Variants in CNGB3 observed in about 807,000 individuals in gnomAD.
CNGB3 encodes cyclic nucleotide-gated channel beta-3.
A neutral mutation model predicts 92.8 loss-of-function variants in CNGB3; 86 were observed. That is an observed-to-expected ratio of 0.93 (90% CI 0.78 to 1.11). The LOEUF (loss-of-function observed/expected upper bound fraction) is 1.11, where lower values mean the gene tolerates loss of function less well. Ranked by LOEUF, CNGB3 falls within the 50% of genes least tolerant of loss-of-function variation. The probability of loss-of-function intolerance (pLI) is 0.00; values close to 1 mark genes in which losing one functional copy is unlikely to be tolerated. For missense variants in CNGB3, 1,026 were observed against 956.8 expected, an observed-to-expected ratio of 1.07 and a Z score of -0.95; for synonymous variants, 333 against 332.7, an observed-to-expected ratio of 1.00 and a Z score of -0.01.
At chr8:86,669,418 T>A (rs536724894) in intron 4 of CNGB3, among the ~76,000 whole-genome samples, 1 of 152,278 alleles carries the variant, frequency 6.6e-6, no homozygotes, top group South Asian at 2.1e-4. Context: ...AAATAAGGTG[T>A]CACAAAGGTG....
At chr8:86,607,588 C>A (rs1585966231) in intron 14 of CNGB3, among the ~76,000 whole-genome samples, 1 of 152,134 alleles carries the variant, frequency 6.6e-6, no homozygotes, top group Non-Finnish European at 1.5e-5. Context: ...GGTGCAAATT[C>A]TCAGTTTACT....
At chr8:86,661,983 C>G in intron 6 of CNGB3, 1 of 477,136 alleles carries the variant, frequency 2.1e-6, no homozygotes. Flanking sequence ...TCCGTGGTGT[C>G]TTGTCCACAG....
chr8:86,632,891 T>A lies in CNGB3; in HGVS notation c.1181A>T (p.Tyr394Phe), dbSNP rs1293623451. 6.2e-7 allele frequency: 1 copy of A among 1,612,046 alleles called. No individual in the cohort carries two copies. The highest frequency in any genetic ancestry group is 1.7e-5 in the Admixed American group (1 of 59,964). The change falls in exon 11 of 18, where the codon TAT becomes TTT. Residue 394 changes from tyrosine to phenylalanine, a missense_variant and splice_region_variant. Transcript: ENST00000320005. ...AACTGCCCAATAATAACATCTCAGA[T>A]ACCTGTGAAAACAGAAGATATACAT... ...RWVYDGEGNE[Y>F]LRCYYWAVRT...
chr8:86,657,877 G>C, intron 6 of CNGB3: 1 of 540,594 alleles, frequency 1.8e-6, no homozygotes, highest in Admixed American at 1.9e-5. Context: ...TTTCCTGCGG[G>C]AGGACAGGGT....
intron 15 of CNGB3, among the ~76,000 whole-genome samples, chr8:86,602,333 G>T (rs200300240): frequency 1.3e-5 from 2 of 152,132 alleles, no homozygotes; most frequent in Non-Finnish European, 2.9e-5. Context: ...ATTAAAAAGA[G>T]AAGCCACATT....
chr8:86,676,703 C>A (rs866012200), intron 3 of CNGB3, among the ~76,000 whole-genome samples: 1 of 152,096 alleles, frequency 6.6e-6, no homozygotes, highest in African/African-American at 2.4e-5. Flanking sequence ...TTTGTGTCCA[C>A]CTGGAACCTC....
chr8:86,594,398 A>T, intron 15 of CNGB3: 1 of 293,202 alleles, frequency 3.4e-6, no homozygotes, highest in Non-Finnish European at 6.6e-6. Context: ...AAAGTCCCCA[A>T]ACCAGGCGTG....
intron 1 of CNGB3, among the ~76,000 whole-genome samples, chr8:86,743,001 A>G (rs1825368514): frequency 6.6e-6 from 1 of 152,104 alleles, no homozygotes; most frequent in Non-Finnish European, 1.5e-5. Context: ...GACTTTACCC[A>G]CTGGATGCCA....
intron 4 of CNGB3, 51 bp downstream of exon 4, chr8:86,670,893 G>A (rs769160019): frequency 6.3e-7 from 1 of 1,594,296 alleles, no homozygotes; most frequent in Non-Finnish European, 8.6e-7. Context: ...GCAAAACACA[G>A]GTCCCCTCAG....
intron 7 of CNGB3, among the ~76,000 whole-genome samples, chr8:86,652,073 T>C (rs903971612): frequency 1.3e-5 from 2 of 151,990 alleles, no homozygotes; most frequent in Non-Finnish European, 2.9e-5. Flanking sequence ...CAGCATGCTC[T>C]GTATATTACA....
chr8:86,661,896 G>A (rs759056476), intron 6 of CNGB3: 5 of 851,828 alleles, frequency 5.9e-6, no homozygotes, highest in Non-Finnish European at 1.0e-5. Flanking sequence ...AAACCATATT[G>A]GTGAAAAAGA....
chr8:86,712,731 A>G (rs1033975540), intron 3 of CNGB3, among the ~76,000 whole-genome samples: 3 of 138,724 alleles, frequency 2.2e-5, no homozygotes, highest in Admixed American at 7.2e-5. Context: ...TATTAGTTTT[A>G]TTTTTCAGGG....
chr8:86,672,211 G>A (rs1291260242), intron 3 of CNGB3, among the ~76,000 whole-genome samples: 1 of 152,050 alleles, frequency 6.6e-6, no homozygotes, highest in Non-Finnish European at 1.5e-5. Flanking sequence ...CAATTCTCAT[G>A]CCGCAGCCTC....
chr8:86,594,568 G>T, intron 15 of CNGB3: 1 of 314,306 alleles, frequency 3.2e-6, no homozygotes, highest in Non-Finnish European at 6.1e-6. Context: ...AAGGGTCTGG[G>T]TCCACTGTCA....
At chr8:86,708,058 G>A (rs1824681893) in intron 3 of CNGB3, 1 of 152,168 alleles carries the variant, frequency 6.6e-6, no homozygotes, top group Non-Finnish European at 1.5e-5. Flanking sequence ...CCTCCAAGGG[G>A]AAATTTTAAC....
chr8:86,659,875 C>T, intron 6 of CNGB3: 2 of 427,136 alleles, frequency 4.7e-6, no homozygotes, highest in South Asian at 1.9e-5. Context: ...GCAGATGATG[C>T]AGGGCCCTCC....
At chr8:86,596,525 G>A (rs972725529) in intron 15 of CNGB3, among the ~76,000 whole-genome samples, 1 of 152,176 alleles carries the variant, frequency 6.6e-6, no homozygotes, top group Non-Finnish European at 1.5e-5. Flanking sequence ...ATGTGCATTT[G>A]TACATTCACA....
chr8:86,605,026 C>T lies in CNGB3; in HGVS notation c.1663-815G>A, dbSNP rs564444482. On this transcript the variant is annotated intron_variant, in intron 14 of 17. Transcript: ENST00000320005. Reference sequence around the variant, plus strand: ...ACCCAAGACTAATATGAGCTTCCACCGGTGGAGATATTTTGCTCATGTTTC... The same window carrying T: ...ACCCAAGACTAATATGAGCTTCCACTGGTGGAGATATTTTGCTCATGTTTC... Among the ~76,000 whole-genome samples the T allele has an allele frequency of 1.4e-4, 21 of 152,162 alleles. No individual in the cohort carries two copies. In the South Asian group the frequency reaches 2.9e-3, roughly 21 times the overall value.
intron 3 of CNGB3, among the ~76,000 whole-genome samples, chr8:86,691,711 G>A (rs1206329601): frequency 6.6e-6 from 1 of 151,766 alleles, no homozygotes; most frequent in Non-Finnish European, 1.5e-5. Context: ...TGTATTTTTT[G>A]TTTCAATTTC....
Sources: gnomAD v4.1 joint callset for allele counts (sites outside exome capture counted in the v4.1 genomes callset) on GRCh38, gnomAD v4.1.1 for gene constraint, MANE v1.5 for transcripts, NCBI Gene and HGNC (gene_info 2026-07-23, HGNC 2026-07-21) for gene names.